Variants in MLH3 observed in about 807,000 individuals in gnomAD.
MLH3 encodes DNA mismatch repair protein Mlh3.
Under a neutral mutation model 122.2 loss-of-function variants are expected in MLH3, and 82 were observed. The observed-to-expected ratio is 0.67, with a 90% CI of 0.56 to 0.81. The LOEUF is 0.81. Among genes scored for constraint, MLH3 ranks in the 30% least tolerant of loss-of-function variants. The probability of loss-of-function intolerance (pLI) is 0.00; values close to 1 mark genes in which losing one functional copy is unlikely to be tolerated. For missense variants in MLH3, 1,539 were observed against 1,714.5 expected, an observed-to-expected ratio of 0.90 and a Z score of 1.81; for synonymous variants, 524 against 599.5, an observed-to-expected ratio of 0.87 and a Z score of 1.84.
intron 5 of MLH3, among the ~76,000 whole-genome samples, chr14:75,039,401 T>C (rs561376268): frequency 5.3e-5 from 8 of 152,266 alleles, no homozygotes; most frequent in African/African-American, 1.9e-4. Flanking sequence ...ACAGCCATGG[T>C]GGTAAACACA....
chr14:75,027,688 A>AAAAAAAAAAAAC (rs1566580542), intron 9 of MLH3, among the ~76,000 whole-genome samples: 10 of 134,546 alleles, frequency 7.4e-5, no homozygotes, highest in African/African-American at 1.1e-4. Context: ...AAAAAAAAAA[A>AAAAAAAAAAAAC]AAAAAACCCA....
Position 75,022,872 on chromosome 14 carries a change from G to A in MLH3, c.4032C>T (p.Gly1344=), listed in dbSNP as rs565238806. ...EQLELLQTTG[G]IQGTLPLTVQ... is the part of the protein sequence containing the mutation. ...CAGTCAGTGGCAATGTCCCTTGGAT[G>A]CCTCCGGTGGTCTGGAGTAGCTAAT... is the stretch of plus-strand genomic sequence containing the variant. Residue 1344 remains glycine (G), a synonymous_variant, in exon 11 of 13, where the codon GGC becomes GGT. Transcript: ENST00000355774. 4.9e-5 allele frequency: 79 copies of A among 1,614,172 alleles called. No homozygotes were observed. In the East Asian group the frequency reaches 1.8e-3, roughly 36 times the overall value.
chr14:75,027,664 TAAAAAAAAAA>T (rs56986784), intron 9 of MLH3, among the ~76,000 whole-genome samples: 3 of 30,900 alleles, frequency 9.7e-5, no homozygotes, highest in Non-Finnish European at 1.7e-4. Flanking sequence ...TTTACTTCAG[TAAAAAAAAAA>T]AAAAAAAAAA....
At chr14:75,037,966 C>T (rs1439295380) in intron 6 of MLH3, among the ~76,000 whole-genome samples, 1 of 152,192 alleles carries the variant, frequency 6.6e-6, no homozygotes, top group African/African-American at 2.4e-5. Context: ...ATAGCGCAAT[C>T]TCGGCTCACT....
At chr14:75,030,900 A>T (rs956660084) in intron 8 of MLH3, among the ~76,000 whole-genome samples, 198 bp from the exon 9 acceptor site, 4 of 151,998 alleles carry the variant, frequency 2.6e-5, no homozygotes, top group African/African-American at 9.7e-5. Context: ...AGTAACCTTT[A>T]TTGTTTTTCT....
chr14:75,018,106 T>C (rs918681548), intron 12 of MLH3, among the ~76,000 whole-genome samples: 6 of 151,728 alleles, frequency 4.0e-5, no homozygotes, highest in African/African-American at 1.5e-4. Flanking sequence ...GATCGCACCA[T>C]TGCACTCCAG....
In MLH3 at chr14:75,016,007, C is replaced by CT. The variant is rs1889866015; in HGVS notation, c.*1074dup. ...AGTTGCAATAAACATTACCAGCTGG[C>CT]TTTTTGCATTTTTTTTCTACTATGC... On this transcript the variant is annotated 3_prime_UTR_variant, in exon 13 of 13. Coordinates refer to ENST00000355774, the MANE Select transcript of MLH3 (RefSeq NM_001040108.2). 1 of 231,058 alleles carries CT rather than the reference C, an allele frequency of 4.3e-6. No individual in the cohort carries two copies. Among genetic ancestry groups the CT allele is most frequent in the Non-Finnish European group, 8.6e-6 (1 of 116,844 alleles). The allele number at this position is 231,058 out of a possible 1,614,324, so 14.3% of individuals were successfully genotyped here.
rs77157930 is a variant in MLH3, at chr14:75,018,816, G to C, written c.4242+13C>G. The C allele has an allele frequency of 0.012, 18,563 of 1,613,778 alleles. 215 individuals carry two copies. Among genetic ancestry groups the C allele is most frequent in the African/African-American group, 0.046 (3,439 of 75,010 alleles). On this transcript the variant is annotated intron_variant, in intron 12 of 12. Coordinates refer to ENST00000355774, the MANE Select transcript of MLH3 (RefSeq NM_001040108.2). ...ACTTTGCTCCCTCCTGCTCCTGTTA[G>C]TCATTAATGTACCTGTTTTTCCTGT... is the stretch of plus-strand genomic sequence containing the variant.
rs1889829952 is a variant in MLH3 at position 75,015,285 on chromosome 14, CATT to C, written c.*1794_*1796del. The C allele has an allele frequency of 5.6e-6, 1 of 177,274 alleles. No individual in the cohort carries two copies. Among genetic ancestry groups the C allele is most frequent in the Admixed American group, 6.3e-5 (1 of 15,816 alleles). 11.0% of individuals were successfully genotyped at this position (177,274 alleles called of 1,614,324 possible). A position where few individuals can be genotyped will look rare whatever the true frequency, so the allele number is the denominator to read the frequency against. On this transcript the variant is annotated 3_prime_UTR_variant, in exon 13 of 13. Coordinates refer to ENST00000355774, the MANE Select transcript of MLH3 (RefSeq NM_001040108.2). Reference sequence around the variant, plus strand: ...ATGAAAACAGAATAATTATCTCTTACATTGCTTGAGTCAGGCTAGTCAGGAAGG... The same window carrying C: ...ATGAAAACAGAATAATTATCTCTTACGCTTGAGTCAGGCTAGTCAGGAAGG...
intron 2 of MLH3, among the ~76,000 whole-genome samples, chr14:75,043,205 C>A (rs1048651824): frequency 6.6e-6 from 1 of 152,188 alleles, no homozygotes; most frequent in Non-Finnish European, 1.5e-5. Flanking sequence ...AAAAATTACC[C>A]AGAGAAGCCC....
chr14:75,045,856 T>A (rs531153544), intron 2 of MLH3, among the ~76,000 whole-genome samples: 32 of 152,172 alleles, frequency 2.1e-4, no homozygotes, highest in African/African-American at 6.7e-4. Flanking sequence ...CACACTGACA[T>A]CCTTTCACTG....
intron 5 of MLH3, 43 bp downstream of exon 5, chr14:75,039,868 T>TG (rs1440235838): frequency 2.3e-6 from 1 of 433,742 alleles, no homozygotes. Context: ...TATATATATA[T>TG]ATATATATAT....
intron 3 of MLH3, among the ~76,000 whole-genome samples, chr14:75,042,126 C>T (rs1891896451): frequency 6.6e-6 from 1 of 152,162 alleles, no homozygotes; most frequent in Non-Finnish European, 1.5e-5. Context: ...AAATAAGAAA[C>T]ATGTCCCCTA....
intron 6 of MLH3, 27 bp downstream of exon 6, chr14:75,038,313 A>T (rs175075): frequency 6.5e-7 from 1 of 1,537,650 alleles, no homozygotes; most frequent in Non-Finnish European, 9.0e-7. Flanking sequence ...CAGCTGGTTA[A>T]TCATTCAGGC....
At position 75,038,426 on chromosome 14, in the gene MLH3, A is replaced by C; in HGVS notation, c.3571-14T>G. 6.5e-7 allele frequency: 1 copy of C among 1,542,674 alleles called. No individual in the cohort carries two copies. Among genetic ancestry groups the C allele is most frequent in the Non-Finnish European group, 9.0e-7 (1 of 1,115,190 alleles). ...TTGCTGGAGAACCTGTCAGACATTCAAATAAGTGGTACAACACTAAATAAA... is the reference window on the plus strand; with the variant it reads ...TTGCTGGAGAACCTGTCAGACATTCCAATAAGTGGTACAACACTAAATAAA... On this transcript the variant is annotated splice_polypyrimidine_tract_variant and intron_variant, in intron 5 of 12. Transcript: ENST00000355774.
intron 6 of MLH3, among the ~76,000 whole-genome samples, chr14:75,034,257 G>A (rs1347084481): frequency 3.3e-5 from 5 of 150,702 alleles, no homozygotes; most frequent in Non-Finnish European, 5.9e-5. Context: ...TAATTCTTAT[G>A]TTTAAATACT....
At chr14:75,040,374 C>A (rs1363757047) in intron 4 of MLH3, among the ~76,000 whole-genome samples, 1 of 136,678 alleles carries the variant, frequency 7.3e-6, no homozygotes, top group South Asian at 2.4e-4. Flanking sequence ...GGTGTGAACC[C>A]GGGAGGCGGA....
Position 75,040,449 on chromosome 14 carries a change from C to CAAAAA in MLH3, c.3466-439_3466-435dup, listed in dbSNP as rs36233766. 3.1e-3 allele frequency among the ~76,000 whole-genome samples: 110 copies of CAAAAA among 35,612 alleles called. 5 individuals carry two copies. Among genetic ancestry groups the CAAAAA allele is most frequent in the South Asian group, 6.5e-3 (3 of 464 alleles). 23.4% of individuals were successfully genotyped at this position (35,612 alleles called of 152,430 possible). On this transcript the variant is annotated intron_variant, in intron 4 of 12. Transcript: ENST00000355774. ...TGGGCGACACAGCAAGACTCTGTCA[C>CAAAAA]AAAAAAAAAAAAAAAAAAAAAAAAA...
rs1379438361 is a variant in MLH3, at chr14:75,049,076, A to C, written c.580T>G (p.Ser194Ala). ...GGGAGCTGAAGAACCATGGAACCAGAAACATCATTTCTCAAAGAGAAAGAA... is the reference window on the plus strand; with the variant it reads ...GGGAGCTGAAGAACCATGGAACCAGCAACATCATTTCTCAAAGAGAAAGAA... ...SISFSLRNDV[S>A]GSMVLQLPKT... is the part of the protein sequence containing the mutation. Residue 194 changes from serine to alanine, a missense_variant, in exon 2 of 13, where the codon TCT becomes GCT. Physicochemically the swap from Ser to Ala is moderately conservative, Grantham distance 99 (BLOSUM62 1). Coordinates refer to ENST00000355774, the MANE Select transcript of MLH3 (RefSeq NM_001040108.2). The C allele has an allele frequency of 6.8e-6, 11 of 1,614,030 alleles. No individual in the cohort carries two copies. The highest frequency in any genetic ancestry group is 8.5e-6 in the Non-Finnish European group (10 of 1,180,028).
Sources: gnomAD v4.1 joint callset for allele counts (sites outside exome capture counted in the v4.1 genomes callset) on GRCh38, gnomAD v4.1.1 for gene constraint, MANE v1.5 for transcripts, NCBI Gene and HGNC (gene_info 2026-07-23, HGNC 2026-07-21) for gene names.